ZNF33A: variants seen among roughly 807,000 people sequenced by gnomAD.
The protein encoded by ZNF33A is zinc finger protein 33A, also known as brain my041 protein.
In ZNF33A, 9 loss-of-function variants were observed where a neutral mutation model predicts 15.9. The observed-to-expected ratio is 0.57, with a 90% confidence interval of 0.34 to 0.99. ZNF33A has a LOEUF of 0.99. ZNF33A is among the 50% of genes least tolerant of loss of function. ZNF33A has a pLI of 0.02. For synonymous variants in ZNF33A, 294 were observed against 324.2 expected (o/e 0.91, Z 1.00); for missense variants, 843 against 941.6 (o/e 0.90, Z 1.37).
chr10:38,048,007 G>A (rs1037992335), intron 4 of ZNF33A, among the ~76,000 whole-genome samples: 14 of 152,174 alleles, frequency 9.2e-5, no homozygotes, highest in Non-Finnish European at 1.5e-5. Flanking sequence ...AGAGAAAAGA[G>A]TAGAACATTA....
chr10:38,047,190 C>CAAAAAAAAAAAAAA (rs61278605), intron 4 of ZNF33A, among the ~76,000 whole-genome samples: 128 of 63,974 alleles, frequency 2.0e-3, no homozygotes, highest in Non-Finnish European at 2.4e-3. Flanking sequence ...CCACCCCTGC[C>CAAAAAAAAAAAAAA]AAAAAAAAAA....
chr10:38,055,059 G>A lies in ZNF33A; in HGVS notation c.935G>A (p.Arg312Lys). ...GGTGAAAGTGGGAATAATTTCAGGA[G>A]GAAATTGTGTCTGTCACACCTTCAG... The part of the protein sequence containing the change: ...DCGESGNNFR[R>K]KLCLSHLQKG... The change falls in exon 5 of 5, where the codon AGG (arginine) becomes AAG (lysine). Residue 312 changes from arginine (R) to lysine (K), a missense_variant. Coordinates refer to ENST00000432900, the MANE Select transcript of ZNF33A (RefSeq NM_006954.2). 5.6e-6 allele frequency: 9 copies of A among 1,614,106 alleles called. No homozygotes were observed. Among genetic ancestry groups the A allele is most frequent in the Non-Finnish European group, 7.6e-6 (9 of 1,179,998 alleles).
intron 4 of ZNF33A, among the ~76,000 whole-genome samples, chr10:38,041,496 A>T (rs1283452215): frequency 1.3e-5 from 2 of 151,970 alleles, no homozygotes; most frequent in African/African-American, 4.8e-5. Context: ...AACATTACTT[A>T]TATGTATCTC....
At chr10:38,035,111 CTTTTTTTTTTTT>C (rs71007683) in intron 4 of ZNF33A, among the ~76,000 whole-genome samples, 32 of 85,786 alleles carry the variant, frequency 3.7e-4, no homozygotes, top group African/African-American at 1.4e-3. Flanking sequence ...CATTTACTTT[CTTTTTTTTTTTT>C]TTTTTTTTTT....
At chr10:38,045,882 G>A (rs935588816) in intron 4 of ZNF33A, among the ~76,000 whole-genome samples, 1 of 152,158 alleles carries the variant, frequency 6.6e-6, no homozygotes, top group Admixed American at 6.5e-5. Context: ...GCTGGCCCTA[G>A]GTGAGAGTCC....
downstream of ZNF33A, among the ~76,000 whole-genome samples, chr10:38,060,727 G>A (rs148381856): frequency 6.6e-6 from 1 of 152,332 alleles, no homozygotes; most frequent in Non-Finnish European, 1.5e-5. Flanking sequence ...GGGTCATCCA[G>A]TCCAATTTTA....
downstream of ZNF33A, among the ~76,000 whole-genome samples, chr10:38,066,530 G>T (rs1395594582): frequency 2.6e-5 from 4 of 151,956 alleles, no homozygotes; most frequent in African/African-American, 7.2e-5. Flanking sequence ...GGGATTACAG[G>T]CATGAGCCAC....
Position 38,056,739 on chromosome 10 carries a change from G to T in ZNF33A, c.*179G>T. 8.0e-7 allele frequency: 1 copy of T among 1,247,302 alleles called. No individual in the cohort carries two copies. Among genetic ancestry groups the T allele is most frequent in the Non-Finnish European group, 1.0e-6 (1 of 996,170 alleles). The allele number at this position is 1,247,302 out of a possible 1,614,324, so 77.3% of individuals were successfully genotyped here. Reference sequence around the variant, plus strand: ...ATTTGTGAAAGTTTTTGGCAAAAATGCAAATAAGGTTATGTTAGAATTTAC... The same window carrying T: ...ATTTGTGAAAGTTTTTGGCAAAAATTCAAATAAGGTTATGTTAGAATTTAC... On this transcript the variant is annotated 3_prime_UTR_variant, in exon 5 of 5. Coordinates refer to ENST00000432900, the MANE Select transcript of ZNF33A (RefSeq NM_006954.2).
chr10:38,020,580 T>G (rs1000986931), intron 4 of ZNF33A, among the ~76,000 whole-genome samples: 1 of 152,226 alleles, frequency 6.6e-6, no homozygotes, highest in Non-Finnish European at 1.5e-5. Flanking sequence ...TATGTTAATT[T>G]TTAGCTTTCA....
intron 4 of ZNF33A, among the ~76,000 whole-genome samples, chr10:38,050,036 A>G (rs1818274762): frequency 6.6e-6 from 1 of 152,200 alleles, no homozygotes; most frequent in Admixed American, 6.5e-5. Context: ...CTTTCCACAA[A>G]GAAAACCCCA....
rs573127839 is a variant in ZNF33A, at chr10:38,057,594, T to C, written c.*1034T>C. On this transcript the variant is annotated 3_prime_UTR_variant, in exon 5 of 5. Coordinates refer to ENST00000432900, the MANE Select transcript of ZNF33A (RefSeq NM_006954.2). ...TTTAAAAGGAGACCCACAGAGCTAA[T>C]GTTTATCCATTTAAAAGGTATAAAT... 26 of 983,462 alleles carry C rather than the reference T, an allele frequency of 2.6e-5. No homozygotes were observed. The South Asian group carries it at 5.2e-4, about 20-fold the overall frequency. The allele number at this position is 983,462 out of a possible 1,614,324, so 60.9% of individuals were successfully genotyped here.
downstream of ZNF33A, among the ~76,000 whole-genome samples, chr10:38,066,069 C>T (rs1337346828): frequency 1.3e-5 from 2 of 152,112 alleles, no homozygotes; most frequent in Non-Finnish European, 2.9e-5. Context: ...GGAAATACAT[C>T]TTCATCTGGC....
At chr10:38,017,540 A>G (rs1220943511) in intron 4 of ZNF33A, 154 bp downstream of exon 4, 3 of 547,388 alleles carry the variant, frequency 5.5e-6, no homozygotes, top group Non-Finnish European at 9.7e-6. Flanking sequence ...TCCTAAATCA[A>G]ACTTCCAGAT....
In ZNF33A at chr10:38,056,710, T is replaced by C. The variant is rs2066501934; in HGVS notation, c.*150T>C. 2.4e-6 allele frequency: 3 copies of C among 1,252,286 alleles called. No homozygotes were observed. Among genetic ancestry groups the C allele is most frequent in the Admixed American group, 3.8e-5 (1 of 26,144 alleles). The allele number at this position is 1,252,286 out of a possible 1,614,324, so 77.6% of individuals were successfully genotyped here. ...GGGCATAACACCTTACAGATTTTTT[T>C]TGAATTTGTGAAAGTTTTTGGCAAA... On this transcript the variant is annotated 3_prime_UTR_variant, in exon 5 of 5. Coordinates refer to ENST00000432900, the MANE Select transcript of ZNF33A (RefSeq NM_006954.2).
At chr10:38,052,111 T>C (rs1264799013) in intron 4 of ZNF33A, among the ~76,000 whole-genome samples, 1 of 152,102 alleles carries the variant, frequency 6.6e-6, no homozygotes, top group Non-Finnish European at 1.5e-5. Flanking sequence ...TAATATATAC[T>C]ACTTAGTATA....
At position 38,055,321 on chromosome 10, in the gene ZNF33A, C is replaced by T; in HGVS notation, c.1197C>T (p.Ala399=). The T allele has an allele frequency of 5.0e-6, 8 of 1,613,696 alleles. No individual in the cohort carries two copies. Among genetic ancestry groups the T allele is most frequent in the Non-Finnish European group, 6.8e-6 (8 of 1,179,906 alleles). Residue 399 remains alanine, a synonymous_variant, in exon 5 of 5, where the codon GCC becomes GCT. Transcript: ENST00000432900. ...GGAAAGCCTTTAGCCATAAGTCAGC[C>T]CTCACATTACACCAGAGAACACATA... ...ECGKAFSHKS[A]LTLHQRTHTG... is the part of the protein sequence containing the mutation.
chr10:38,027,432 C>G (rs1405632676), intron 4 of ZNF33A, among the ~76,000 whole-genome samples: 1 of 151,988 alleles, frequency 6.6e-6, no homozygotes, highest in Non-Finnish European at 1.5e-5. Context: ...CGGCTCACTG[C>G]AGCCTTGAAC....
chr10:38,064,973 G>A (rs1363251692), downstream of ZNF33A: 1 of 151,578 alleles, frequency 6.6e-6, no homozygotes, highest in African/African-American at 2.4e-5. Flanking sequence ...AGACTCCTAT[G>A]AACCAAATAT....
At chr10:38,067,122 A>T (rs1373713629), downstream of ZNF33A, among the ~76,000 whole-genome samples, 1 of 152,194 alleles carries the variant, frequency 6.6e-6, no homozygotes, top group African/African-American at 2.4e-5. Context: ...TCTCTAGAGC[A>T]TGCAAATATG....
Sources: allele counts gnomAD v4.1 joint callset (sites outside exome capture counted in the v4.1 genomes callset), GRCh38; gene constraint gnomAD v4.1.1; transcripts MANE v1.5; gene names NCBI Gene and HGNC (gene_info 2026-07-23, HGNC 2026-07-21).